ANGPT1: variants seen among roughly 807,000 people sequenced by gnomAD.
ANGPT1 encodes the protein angiopoietin-1.
ANGPT1 carries 17 observed loss-of-function variants against 62.2 expected under a neutral mutation model. The observed-to-expected ratio is 0.27, with a 90% CI of 0.19 to 0.41. The LOEUF is 0.41. ANGPT1 is among the 10% of genes least tolerant of loss of function. The pLI, the probability that ANGPT1 is intolerant of heterozygous loss-of-function variation, is 1.00. For synonymous variants in ANGPT1, 199 were observed against 198.9 expected, an observed-to-expected ratio of 1.00 and a Z score of 0.00; for missense variants, 478 against 594.9, an observed-to-expected ratio of 0.80 and a Z score of 2.04.
chr8:107,460,099 C>T (rs568210358), intron 1 of ANGPT1, among the ~76,000 whole-genome samples: 1 of 152,288 alleles, frequency 6.6e-6, no homozygotes, highest in East Asian at 1.9e-4. Context: ...GACAAGGACA[C>T]GTCTGAGCAT....
At position 107,364,596 on chromosome 8, in the gene ANGPT1, G is replaced by C. The variant is rs375649744; in HGVS notation, c.298-17499C>G. Among the ~76,000 whole-genome samples the C allele has an allele frequency of 2.6e-5, 4 of 152,080 alleles. No homozygotes were observed. The East Asian group carries it at 7.7e-4, about 29-fold the overall frequency. On this transcript the variant is annotated intron_variant, in intron 1 of 8. Coordinates refer to ENST00000517746, the MANE Select transcript of ANGPT1 (RefSeq NM_001146.5). ...GTGCCCAGCCCGATGGTTAATATTA[G>C]CTGTTGATTGTCTTCTCATTGATAA... is the stretch of plus-strand genomic sequence containing the variant.
At chr8:107,380,464 A>T (rs530968107) in intron 1 of ANGPT1, among the ~76,000 whole-genome samples, 1 of 152,122 alleles carries the variant, frequency 6.6e-6, no homozygotes, top group African/African-American at 2.4e-5. Flanking sequence ...TACTATGCAT[A>T]CACATTAGAA....
intron 4 of ANGPT1, among the ~76,000 whole-genome samples, chr8:107,314,249 G>C (rs1563564519): frequency 1.3e-5 from 2 of 152,126 alleles, no homozygotes; most frequent in Admixed American, 6.5e-5. Flanking sequence ...TCTTTTTGTG[G>C]CCTTTTACCC....
chr8:107,340,672 T>TG (rs1343170114), intron 2 of ANGPT1, among the ~76,000 whole-genome samples: 1 of 151,408 alleles, frequency 6.6e-6, no homozygotes, highest in Non-Finnish European at 1.5e-5. Flanking sequence ...TTTTTTTTTT[T>TG]TTGTAAAGAC....
At chr8:107,374,663 A>C (rs1273523953) in intron 1 of ANGPT1, among the ~76,000 whole-genome samples, 2 of 152,218 alleles carry the variant, frequency 1.3e-5, no homozygotes, top group Admixed American at 6.5e-5. Context: ...CTAATGGTCT[A>C]AAAGCAGTCT....
intron 1 of ANGPT1, among the ~76,000 whole-genome samples, chr8:107,370,212 AAAGAAAGG>A (rs1563590583): frequency 1.4e-5 from 2 of 142,646 alleles, no homozygotes; most frequent in African/African-American, 5.1e-5. Flanking sequence ...AGAAAGAAAG[AAAGAAAGG>A]AGAAAGGAAG....
intron 1 of ANGPT1, among the ~76,000 whole-genome samples, chr8:107,375,448 A>T (rs1816511345): frequency 6.6e-6 from 1 of 152,194 alleles, no homozygotes. Context: ...ATTTTGTACC[A>T]AATTTCAATA....
In ANGPT1 at chr8:107,387,414, C is replaced by A. The variant is rs1816752343; in HGVS notation, c.298-40317G>T. On this transcript the variant is annotated intron_variant, in intron 1 of 8. Transcript: ENST00000517746. Reference sequence around the variant, plus strand: ...TAAAAGGCCAAAATGCTAGCAAGTACCTTTCTGTGTGCACTGCAAAATCCC... The same window carrying A: ...TAAAAGGCCAAAATGCTAGCAAGTAACTTTCTGTGTGCACTGCAAAATCCC... Among the ~76,000 whole-genome samples, 3 of 152,006 alleles carry A rather than the reference C, an allele frequency of 2.0e-5. 1 individual carries two copies. The highest frequency in any genetic ancestry group is 2.0e-4 in the Admixed American group (3 of 15,238).
intron 1 of ANGPT1, among the ~76,000 whole-genome samples, chr8:107,418,681 G>T (rs1167177108): frequency 6.6e-6 from 1 of 152,150 alleles, no homozygotes; most frequent in African/African-American, 2.4e-5. Context: ...CAGTTTATTT[G>T]TAAATGACAA....
At chr8:107,289,865 C>T (rs1176965835) in intron 6 of ANGPT1, among the ~76,000 whole-genome samples, 1 of 152,102 alleles carries the variant, frequency 6.6e-6, no homozygotes, top group Non-Finnish European at 1.5e-5. Flanking sequence ...TCTGGAACTC[C>T]TAGCCTCATT....
chr8:107,451,083 T>G (rs982244756), intron 1 of ANGPT1, among the ~76,000 whole-genome samples: 4 of 151,828 alleles, frequency 2.6e-5, no homozygotes, highest in Non-Finnish European at 5.9e-5. Flanking sequence ...TGGCCATACC[T>G]TTAATCACGG....
At chr8:107,383,829 T>C (rs1372643413) in intron 1 of ANGPT1, among the ~76,000 whole-genome samples, 1 of 152,150 alleles carries the variant, frequency 6.6e-6, no homozygotes, top group Non-Finnish European at 1.5e-5. Flanking sequence ...TATTGTTTAG[T>C]TGGAAAGCTT....
intron 1 of ANGPT1, among the ~76,000 whole-genome samples, chr8:107,360,811 C>T (rs1489329799): frequency 6.6e-6 from 1 of 151,988 alleles, no homozygotes; most frequent in Non-Finnish European, 1.5e-5. Flanking sequence ...ATGAAAAGTC[C>T]CCCTCACCAC....
chr8:107,326,051 A>G lies in ANGPT1; in HGVS notation c.576-3923T>C, dbSNP rs1043062373. Among the ~76,000 whole-genome samples the G allele has an allele frequency of 7.9e-5, 12 of 152,222 alleles. No homozygotes were observed. In the East Asian group the frequency reaches 2.3e-3, roughly 29 times the overall value. On this transcript the variant is annotated intron_variant, in intron 3 of 8. Transcript: ENST00000517746. Reference sequence around the variant, plus strand: ...AATATAACGCACATTAGCACGTTAGACAGAACATTAATTTTCATAATTCAT... The same window carrying G: ...AATATAACGCACATTAGCACGTTAGGCAGAACATTAATTTTCATAATTCAT...
intron 1 of ANGPT1, among the ~76,000 whole-genome samples, chr8:107,473,646 G>T (rs1812424218): frequency 6.6e-6 from 1 of 152,016 alleles, no homozygotes; most frequent in Admixed American, 6.6e-5. Flanking sequence ...GGATCAAACA[G>T]ACTTAAAAGA....
chr8:107,265,370 C>T lies in ANGPT1; in HGVS notation c.1206-1019G>A, dbSNP rs115830683. Among the ~76,000 whole-genome samples, 1,245 of 152,266 alleles carry T rather than the reference C, an allele frequency of 8.2e-3. 18 individuals carry two copies. Among genetic ancestry groups the T allele is most frequent in the African/African-American group, 0.028 (1,165 of 41,560 alleles). On this transcript the variant is annotated intron_variant, in intron 7 of 8. Transcript: ENST00000517746. ...CACAATAGTTGTCAAATGTAGTGAC[C>T]TGTCTGATGTCTGCTCATTTCCTAC... is the stretch of plus-strand genomic sequence containing the variant.
chr8:107,428,377 G>A (rs1811090423), intron 1 of ANGPT1, among the ~76,000 whole-genome samples: 1 of 152,092 alleles, frequency 6.6e-6, no homozygotes, highest in African/African-American at 2.4e-5. Flanking sequence ...AGACAAGACT[G>A]ACCCCCATGA....
Position 107,300,000 on chromosome 8 carries a change from T to C in ANGPT1, c.936+3240A>G, listed in dbSNP as rs185682929. 1.5e-3 allele frequency among the ~76,000 whole-genome samples: 202 copies of C among 138,148 alleles called. 2 individuals carry two copies. The highest frequency in any genetic ancestry group is 2.1e-3 in the Non-Finnish European group (131 of 63,570). The allele number at this position is 138,148 out of a possible 152,430, so 90.6% of individuals were successfully genotyped here. ...ATATCTAGATATCTAGATATAACTA[T>C]ATATCTAGATATCTAGATATGTAGT... On this transcript the variant is annotated intron_variant, in intron 5 of 8. Transcript: ENST00000517746.
intron 1 of ANGPT1, among the ~76,000 whole-genome samples, chr8:107,380,543 T>C (rs1467894772): frequency 6.6e-6 from 1 of 152,154 alleles, no homozygotes; most frequent in Non-Finnish European, 1.5e-5. Flanking sequence ...AATTTATTTC[T>C]TAAAGCAATT....
Sources: allele counts gnomAD v4.1 joint callset (sites outside exome capture counted in the v4.1 genomes callset), GRCh38; gene constraint gnomAD v4.1.1; transcripts MANE v1.5; gene names NCBI Gene and HGNC (gene_info 2026-07-23, HGNC 2026-07-21).